Variants in PCSK5 observed in about 807,000 individuals in gnomAD.
The protein encoded by PCSK5 is prohormone convertase 5.
PCSK5 carries 129 observed loss-of-function variants against 233.2 expected under a neutral mutation model. The ratio of observed to expected loss-of-function variants is 0.55; its 90% CI spans 0.48 to 0.64. The LOEUF (loss-of-function observed/expected upper bound fraction) is 0.64, where lower values mean the gene tolerates loss of function less well. Among genes scored for constraint, PCSK5 ranks in the 30% least tolerant of loss-of-function variants. The pLI, the probability that PCSK5 is intolerant of heterozygous loss-of-function variation, is 0.00. For missense variants in PCSK5, 2,076 were observed against 2,430.1 expected, an observed-to-expected ratio of 0.85 and a Z score of 3.06; for synonymous variants, 825 against 879.2, an observed-to-expected ratio of 0.94 and a Z score of 1.09.
chr9:76,316,191 C>G (rs1314157982), intron 30 of PCSK5, among the ~76,000 whole-genome samples: 2 of 152,028 alleles, frequency 1.3e-5, no homozygotes, highest in Non-Finnish European at 2.9e-5. Flanking sequence ...CAGAGTGGAT[C>G]ATTGTGGCAA....
intron 20 of PCSK5, among the ~76,000 whole-genome samples, chr9:76,198,433 T>G (rs766093594): frequency 6.6e-6 from 1 of 152,202 alleles, no homozygotes; most frequent in Non-Finnish European, 1.5e-5. Context: ...ATGGATTTAT[T>G]TAATTTGGCC....
chr9:76,350,941 G>GT lies in PCSK5; in HGVS notation c.5067+13_5067+14insT. 1 of 1,349,444 alleles carries GT rather than the reference G, an allele frequency of 7.4e-7. No individual in the cohort carries two copies. Among genetic ancestry groups the GT allele is most frequent in the South Asian group, 1.2e-5 (1 of 83,284 alleles). The allele number at this position is 1,349,444 out of a possible 1,614,324, so 83.6% of individuals were successfully genotyped here. On this transcript the variant is annotated intron_variant, in intron 36 of 37. Transcript: ENST00000674117. ...CAGAGTGGGAGAGGTATGGAGGGCTGGGGGTCCTGGGCCTTCTGCTCTTTC... is the reference window on the plus strand; with the variant it reads ...CAGAGTGGGAGAGGTATGGAGGGCTGTGGGGTCCTGGGCCTTCTGCTCTTTC...
chr9:75,951,881 A>G (rs1046873167), intron 2 of PCSK5, among the ~76,000 whole-genome samples: 7 of 152,200 alleles, frequency 4.6e-5, no homozygotes, highest in African/African-American at 1.7e-4. Flanking sequence ...ATACTCCTCC[A>G]TCGCAGTTGT....
In PCSK5 at chr9:76,182,903, T is replaced by C. The variant is rs572085612; in HGVS notation, c.2197+1312T>C. On this transcript the variant is annotated intron_variant, in intron 16 of 37. Transcript: ENST00000674117. ...ACAAGAAATCTGAAGTGAATACTCTTGCTTCTTAAGAAGTGAAATTCTCTC... is the reference window on the plus strand; with the variant it reads ...ACAAGAAATCTGAAGTGAATACTCTCGCTTCTTAAGAAGTGAAATTCTCTC... Among the ~76,000 whole-genome samples the C allele has an allele frequency of 3.8e-4, 58 of 152,318 alleles. No homozygotes were observed. The East Asian group carries it at 8.9e-3, about 23-fold the overall frequency.
chr9:76,023,507 A>G (rs1041314255), intron 3 of PCSK5, among the ~76,000 whole-genome samples: 11 of 152,100 alleles, frequency 7.2e-5, no homozygotes, highest in Admixed American at 3.3e-4. Flanking sequence ...TCTGCAAAAA[A>G]TTTAAAAGTT....
intron 22 of PCSK5, among the ~76,000 whole-genome samples, chr9:76,238,523 G>T (rs1477849575): frequency 1.3e-5 from 2 of 152,186 alleles, no homozygotes; most frequent in Non-Finnish European, 2.9e-5. Context: ...CATTTTAAAA[G>T]ATTGCACTTT....
intron 20 of PCSK5, among the ~76,000 whole-genome samples, chr9:76,192,372 C>CACTTAAGGATGTGTTATT (rs1455962550): frequency 6.6e-6 from 1 of 152,134 alleles, no homozygotes; most frequent in African/African-American, 2.4e-5. Flanking sequence ...ATGGCAGCTG[C>CACTTAAGGATGTGTTATT]ACTTAAGGAT....
chr9:76,297,498 C>T (rs191380876), intron 27 of PCSK5, among the ~76,000 whole-genome samples: 5 of 152,096 alleles, frequency 3.3e-5, no homozygotes, highest in African/African-American at 1.2e-4. Context: ...AACAGCAAAG[C>T]CCTGCAGGTG....
intron 3 of PCSK5, among the ~76,000 whole-genome samples, chr9:76,001,024 T>G (rs1827238121): frequency 6.6e-6 from 1 of 152,102 alleles, no homozygotes; most frequent in Admixed American, 6.5e-5. Context: ...TTGAGCAATG[T>G]TTTTTACATA....
chr9:76,323,314 G>C (rs1303555805), intron 32 of PCSK5, 26 bp downstream of exon 32: 1 of 1,395,408 alleles, frequency 7.2e-7, no homozygotes. Flanking sequence ...ATTCAAAATA[G>C]GCTCCGGGGT....
At chr9:76,111,228 A>T (rs947134509) in intron 9 of PCSK5, among the ~76,000 whole-genome samples, 3 of 152,178 alleles carry the variant, frequency 2.0e-5, no homozygotes, top group Non-Finnish European at 4.4e-5. Context: ...AACAAATTCC[A>T]CTCTAATATG....
intron 24 of PCSK5, among the ~76,000 whole-genome samples, chr9:76,251,259 C>A (rs1826793089): frequency 6.9e-6 from 1 of 144,290 alleles, no homozygotes; most frequent in East Asian, 2.1e-4. Flanking sequence ...TGAGTTAGAC[C>A]CCATCTCTAA....
intron 2 of PCSK5, among the ~76,000 whole-genome samples, chr9:75,961,344 A>G (rs1177834474): frequency 6.6e-6 from 1 of 152,184 alleles, no homozygotes; most frequent in African/African-American, 2.4e-5. Flanking sequence ...GCCAAGAGTA[A>G]TTTCCTTACA....
At chr9:75,911,910 A>G (rs1822755157) in intron 1 of PCSK5, among the ~76,000 whole-genome samples, 1 of 152,210 alleles carries the variant, frequency 6.6e-6, no homozygotes, top group Non-Finnish European at 1.5e-5. Context: ...CATATGACCA[A>G]GCCTAGCTTC....
chr9:76,057,404 G>A (rs1829859980), intron 5 of PCSK5, among the ~76,000 whole-genome samples: 1 of 152,120 alleles, frequency 6.6e-6, no homozygotes, highest in African/African-American at 2.4e-5. Flanking sequence ...TCGGGGTAGT[G>A]ATCATTGTCA....
intron 7 of PCSK5, among the ~76,000 whole-genome samples, chr9:76,088,079 A>G (rs1831136621): frequency 6.6e-6 from 1 of 152,224 alleles, no homozygotes; most frequent in Admixed American, 6.5e-5. Flanking sequence ...TGTTGTCTGG[A>G]AGCCAGTCTG....
chr9:76,205,140 A>AT (rs753326436), intron 20 of PCSK5: 5 of 518,874 alleles, frequency 9.6e-6, no homozygotes, highest in Non-Finnish European at 1.5e-5. Flanking sequence ...ATTGTCAGGT[A>AT]TTTTTTCCCC....
chr9:76,019,691 G>T (rs570846433), intron 3 of PCSK5, among the ~76,000 whole-genome samples: 1 of 152,270 alleles, frequency 6.6e-6, no homozygotes, highest in South Asian at 2.1e-4. Context: ...TGTTTATGAA[G>T]ACCCAAGAGA....
intron 9 of PCSK5, among the ~76,000 whole-genome samples, chr9:76,125,312 G>A (rs551536377): frequency 6.6e-6 from 1 of 152,202 alleles, no homozygotes; most frequent in South Asian, 2.1e-4. Flanking sequence ...CAAAACTAGA[G>A]GCTGAACGTC....
Sources: gnomAD v4.1 joint callset for allele counts (sites outside exome capture counted in the v4.1 genomes callset) on GRCh38, gnomAD v4.1.1 for gene constraint, MANE v1.5 for transcripts, NCBI Gene and HGNC (gene_info 2026-07-23, HGNC 2026-07-21) for gene names.